Variants in DPP6 observed in about 807,000 individuals in gnomAD.
DPP6 encodes A-type potassium channel modulatory protein DPP6.
In DPP6, 69 loss-of-function variants were observed where a neutral mutation model predicts 122.6. The ratio of observed to expected loss-of-function variants is 0.56; its 90% CI spans 0.46 to 0.69. The LOEUF is 0.69. Among genes scored for constraint, DPP6 ranks in the 30% least tolerant of loss-of-function variants. DPP6 has a pLI of 0.00. For synonymous variants in DPP6, 418 were observed against 433.1 expected (o/e 0.97, Z 0.43); for missense variants, 928 against 1,116.9 (o/e 0.83, Z 2.41).
At chr7:153,757,672 C>T in the DPP6 span, among the ~76,000 whole-genome samples, 1 of 152,308 alleles carries the variant, frequency 6.6e-6, no homozygotes, top group Non-Finnish European at 1.5e-5. Context: ...TAGAAAGAAC[C>T]ATGGGCCGGG....
chr7:153,868,566 C>G, the DPP6 span, among the ~76,000 whole-genome samples: 971 of 152,108 alleles, frequency 6.4e-3, 11 homozygotes, highest in African/African-American at 0.022. Context: ...GTCTTGCTAG[C>G]AGTCTATCAA....
At chr7:154,476,768 A>AAAAAC (rs893854071) in intron 3 of DPP6, among the ~76,000 whole-genome samples, 3 of 152,226 alleles carry the variant, frequency 2.0e-5, no homozygotes, top group African/African-American at 7.2e-5. Context: ...CAGCAGTTAC[A>AAAAAC]AAAACAAAAC....
chr7:154,104,715 G>A (rs1806018246), intron 1 of DPP6, among the ~76,000 whole-genome samples: 1 of 152,200 alleles, frequency 6.6e-6, no homozygotes, highest in African/African-American at 2.4e-5. Flanking sequence ...GGGAGTGGTG[G>A]CACACCTCTG....
chr7:154,469,202 A>AACAAAC (rs1563720286), intron 2 of DPP6, among the ~76,000 whole-genome samples: 2 of 151,860 alleles, frequency 1.3e-5, no homozygotes, highest in African/African-American at 4.8e-5. Flanking sequence ...GAGAAAGTAA[A>AACAAAC]ACACACACAC....
rs59968547 is a variant in DPP6, at chr7:154,333,324, A to G, written c.244-112890A>G. The stretch of plus-strand genomic sequence containing the variant: ...CAGGCAGTCTTTAATGTGAAAGGCA[A>G]ACACATTCATTTTCTATCAGTTCCT... On this transcript the variant is annotated intron_variant, in intron 1 of 25. Coordinates refer to ENST00000377770, the MANE Select transcript of DPP6 (RefSeq NM_130797.4). Among the ~76,000 whole-genome samples, 561 of 152,236 alleles carry G rather than the reference A, an allele frequency of 3.7e-3. 2 individuals are homozygous for G. Among genetic ancestry groups the G allele is most frequent in the African/African-American group, 0.013 (537 of 41,530 alleles).
the DPP6 span, among the ~76,000 whole-genome samples, chr7:153,797,282 A>G: frequency 0.37 from 56,422 of 151,398 alleles, 10,682 homozygotes; most frequent in South Asian, 0.48. Flanking sequence ...AATTTGTTAT[A>G]CAATAAGAAC....
intron 7 of DPP6, among the ~76,000 whole-genome samples, chr7:154,726,866 C>T (rs151052786): frequency 2.4e-3 from 366 of 152,286 alleles, no homozygotes; most frequent in Middle Eastern, 6.8e-3. Context: ...CCTTGGCTGC[C>T]ATTCTCAATA....
At chr7:154,855,173 T>C (rs1802727664) in intron 17 of DPP6, among the ~76,000 whole-genome samples, 1 of 152,140 alleles carries the variant, frequency 6.6e-6, no homozygotes, top group Non-Finnish European at 1.5e-5. Context: ...TGTTCCAAAG[T>C]GGGCAAAATA....
chr7:153,884,929 G>C (rs961204669), upstream of DPP6, among the ~76,000 whole-genome samples: 2 of 149,870 alleles, frequency 1.3e-5, no homozygotes, highest in Non-Finnish European at 3.0e-5. Context: ...GCAGTGAGCC[G>C]AGATCACGCC....
At chr7:153,752,544 C>A in the DPP6 span, among the ~76,000 whole-genome samples, 1 of 151,618 alleles carries the variant, frequency 6.6e-6, no homozygotes, top group African/African-American at 2.4e-5. Context: ...CCACCATGCC[C>A]GGCCAACAGC....
intron 1 of DPP6, among the ~76,000 whole-genome samples, chr7:154,228,050 TA>T (rs1213334340): frequency 2.0e-5 from 3 of 152,208 alleles, no homozygotes; most frequent in Admixed American, 1.3e-4. Flanking sequence ...ACAGCAAATT[TA>T]AAAGATACTG....
intron 1 of DPP6, among the ~76,000 whole-genome samples, chr7:154,299,008 T>C (rs541269282): frequency 6.6e-6 from 1 of 152,264 alleles, no homozygotes; most frequent in East Asian, 1.9e-4. Flanking sequence ...TTCCCCAGGG[T>C]TAGATTACTG....
chr7:154,017,969 A>G (rs970833481), intron 1 of DPP6, among the ~76,000 whole-genome samples: 23 of 152,180 alleles, frequency 1.5e-4, no homozygotes, highest in Non-Finnish European at 2.9e-5. Flanking sequence ...TCCACCTGAA[A>G]AACTTTCTCT....
At chr7:154,623,164 A>T (rs1186350471) in intron 5 of DPP6, among the ~76,000 whole-genome samples, 2 of 152,174 alleles carry the variant, frequency 1.3e-5, no homozygotes, top group African/African-American at 4.8e-5. Context: ...GCCTTGTAAC[A>T]GTTTGCAGAA....
intron 1 of DPP6, among the ~76,000 whole-genome samples, chr7:154,253,271 T>G (rs1017009169): frequency 6.6e-6 from 1 of 152,206 alleles, no homozygotes; most frequent in Admixed American, 6.5e-5. Flanking sequence ...GGACATGTGT[T>G]AATGAGACAC....
intron 1 of DPP6, among the ~76,000 whole-genome samples, chr7:154,343,068 G>A (rs1052446427): frequency 1.3e-5 from 2 of 152,218 alleles, no homozygotes; most frequent in African/African-American, 4.8e-5. Flanking sequence ...TGACTTGACC[G>A]TAGATTTGCT....
chr7:154,255,419 G>C (rs1301370932), intron 1 of DPP6, among the ~76,000 whole-genome samples: 1 of 152,228 alleles, frequency 6.6e-6, no homozygotes, highest in Non-Finnish European at 1.5e-5. Flanking sequence ...GAGAGGAAGC[G>C]CCAGTGAAAT....
chr7:154,652,014 G>A (rs917640165), intron 6 of DPP6, among the ~76,000 whole-genome samples: 4 of 152,168 alleles, frequency 2.6e-5, no homozygotes, highest in Non-Finnish European at 5.9e-5. Context: ...GAATTTAAAG[G>A]AAGGACAGAA....
At chr7:154,264,840 T>C (rs577209697) in intron 1 of DPP6, among the ~76,000 whole-genome samples, 9 of 152,106 alleles carry the variant, frequency 5.9e-5, no homozygotes, top group African/African-American at 1.4e-4. Flanking sequence ...GTGATGATGG[T>C]GTTAATGATG....
Sources: gnomAD v4.1 joint callset for allele counts (sites outside exome capture counted in the v4.1 genomes callset) on GRCh38, gnomAD v4.1.1 for gene constraint, MANE v1.5 for transcripts, NCBI Gene and HGNC (gene_info 2026-07-23, HGNC 2026-07-21) for gene names.